MAGI1: variants seen among roughly 807,000 people sequenced by gnomAD.
MAGI1 encodes membrane-associated guanylate kinase, WW and PDZ domain-containing protein 1.
Under a neutral mutation model 139.9 loss-of-function variants are expected in MAGI1, and 58 were observed. The ratio of observed to expected loss-of-function variants is 0.41; its 90% confidence interval spans 0.34 to 0.52. The LOEUF (loss-of-function observed/expected upper bound fraction) is 0.52, where lower values mean the gene tolerates loss of function less well. Among genes scored for constraint, MAGI1 ranks in the 20% least tolerant of loss-of-function variants. The pLI is 0.12. For synonymous variants in MAGI1, 812 were observed against 737.9 expected (o/e 1.10, Z -1.63); for missense variants, 1,874 against 1,901.6 (o/e 0.99, Z 0.27).
At chr3:65,833,013 G>C (rs969859737) in intron 1 of MAGI1, among the ~76,000 whole-genome samples, 1 of 152,154 alleles carries the variant, frequency 6.6e-6, no homozygotes, top group African/African-American at 2.4e-5. Context: ...CATTTGTATG[G>C]ATGAAGTGAA....
At chr3:65,361,633 T>G (rs1370752855) in intron 21 of MAGI1, among the ~76,000 whole-genome samples, 3 of 152,246 alleles carry the variant, frequency 2.0e-5, no homozygotes, top group Admixed American at 6.5e-5. Context: ...CCTCCTTGCA[T>G]TCACAACCTG....
rs1940230625 is a variant in MAGI1, at chr3:65,356,871, C to T, written c.3896G>A (p.Arg1299Gln). 3 of 1,614,134 alleles carry T rather than the reference C, an allele frequency of 1.9e-6. No individual in the cohort carries two copies. The highest frequency in any genetic ancestry group is 2.5e-6 in the Non-Finnish European group (3 of 1,179,974). Residue 1299 changes from arginine (R) to glutamine (Q), a missense_variant, in exon 23 of 23, where the codon CGG becomes CAG. This residue lies in a region of MAGI1 where 653 missense variants were observed against 644.5 expected (regional missense o/e 1.01). Coordinates refer to ENST00000402939, the MANE Select transcript of MAGI1 (RefSeq NM_001033057.2). ...PDSGACRPKD[R>Q]APEGRRDAQA... ...CGCGTCCCTCCGTCCCTCCGGCGCC[C>T]GGTCCTTGGGTCGGCATGCCCCGCT...
chr3:65,825,481 G>A (rs974681616), intron 1 of MAGI1, among the ~76,000 whole-genome samples: 4 of 152,080 alleles, frequency 2.6e-5, no homozygotes, highest in Admixed American at 6.5e-5. Flanking sequence ...CATGGAAATC[G>A]GCAAGTGCTA....
At chr3:65,458,703 G>A (rs113705437) in intron 5 of MAGI1, among the ~76,000 whole-genome samples, 51 of 151,914 alleles carry the variant, frequency 3.4e-4, no homozygotes, top group African/African-American at 9.9e-4. Flanking sequence ...ATATATTCTC[G>A]TTATTAATCC....
At chr3:65,511,048 C>T (rs1223767969) in intron 2 of MAGI1, among the ~76,000 whole-genome samples, 1 of 146,850 alleles carries the variant, frequency 6.8e-6, no homozygotes, top group African/African-American at 2.5e-5. Flanking sequence ...CATATCCAGC[C>T]AAACTAAGCT....
At chr3:65,376,030 G>A in intron 17 of MAGI1, 85 bp from the exon 18 acceptor site, 1 of 978,316 alleles carries the variant, frequency 1.0e-6, no homozygotes, top group South Asian at 1.5e-5. Context: ...AAGGGAAAGA[G>A]AAGGTTAAGT....
intron 2 of MAGI1, among the ~76,000 whole-genome samples, chr3:65,596,406 C>G (rs969487183): frequency 6.6e-6 from 1 of 152,120 alleles, no homozygotes. Flanking sequence ...CACTATAAAC[C>G]AGCAAGGGTT....
intron 1 of MAGI1, among the ~76,000 whole-genome samples, chr3:65,682,805 C>T (rs911988774): frequency 5.9e-5 from 9 of 152,088 alleles, no homozygotes; most frequent in African/African-American, 1.9e-4. Flanking sequence ...AGAACAGTAA[C>T]AGGCAGAACA....
intron 1 of MAGI1, among the ~76,000 whole-genome samples, chr3:65,952,037 T>G (rs1397250889): frequency 6.6e-6 from 1 of 152,222 alleles, no homozygotes; most frequent in East Asian, 1.9e-4. Context: ...TAAGTATTGC[T>G]TCTGTCACTG....
intron 1 of MAGI1, among the ~76,000 whole-genome samples, chr3:66,021,281 A>C (rs1192763933): frequency 6.6e-6 from 1 of 152,242 alleles, no homozygotes; most frequent in Non-Finnish European, 1.5e-5. Context: ...ATCATCACAG[A>C]AAGTTCTATT....
At chr3:65,447,290 T>C (rs928143534) in intron 7 of MAGI1, among the ~76,000 whole-genome samples, 1 of 152,226 alleles carries the variant, frequency 6.6e-6, no homozygotes. Flanking sequence ...CTGAACGTAA[T>C]AGCAAACGTA....
At chr3:65,447,750 A>G (rs1161225826) in intron 7 of MAGI1, among the ~76,000 whole-genome samples, 3 of 152,170 alleles carry the variant, frequency 2.0e-5, no homozygotes, top group Non-Finnish European at 4.4e-5. Context: ...TCACTTTACA[A>G]GACTACCCAT....
At chr3:65,839,702 T>G (rs553092068) in intron 1 of MAGI1, among the ~76,000 whole-genome samples, 1 of 152,180 alleles carries the variant, frequency 6.6e-6, no homozygotes, top group African/African-American at 2.4e-5. Context: ...GAAGAATTCT[T>G]AGACACGACA....
chr3:65,368,460 C>T (rs1485055970), intron 18 of MAGI1, among the ~76,000 whole-genome samples: 10 of 152,176 alleles, frequency 6.6e-5, no homozygotes, highest in Non-Finnish European at 1.2e-4. Flanking sequence ...TTCCAAATCT[C>T]GGCACTTACT....
intron 13 of MAGI1, among the ~76,000 whole-genome samples, chr3:65,391,799 C>T (rs1485574627): frequency 6.6e-6 from 1 of 152,104 alleles, no homozygotes; most frequent in African/African-American, 2.4e-5. Flanking sequence ...GACTCCATGT[C>T]TTGTACCTTT....
intron 1 of MAGI1, among the ~76,000 whole-genome samples, chr3:65,939,649 T>A (rs1384022652): frequency 2.6e-5 from 4 of 152,158 alleles, no homozygotes; most frequent in African/African-American, 9.7e-5. Flanking sequence ...TACTTCTCCA[T>A]ACTCAGACAG....
chr3:65,761,776 C>T (rs1055209818), intron 1 of MAGI1, among the ~76,000 whole-genome samples: 4 of 152,288 alleles, frequency 2.6e-5, no homozygotes, highest in Admixed American at 2.0e-4. Context: ...TTTTGCCTCT[C>T]AGTACCACTC....
intron 12 of MAGI1, among the ~76,000 whole-genome samples, chr3:65,412,389 C>T (rs4128804): frequency 0.29 from 44,790 of 152,124 alleles, 7,668 homozygotes; most frequent in South Asian, 0.45. Flanking sequence ...CCTTTTCTGA[C>T]CCACTTTATT....
intron 1 of MAGI1, among the ~76,000 whole-genome samples, chr3:65,895,917 C>G (rs9865096): frequency 0.52 from 78,293 of 152,010 alleles, 20,262 homozygotes; most frequent in South Asian, 0.69. Flanking sequence ...TAGCTGCCTA[C>G]AAGCAGATAG....
Sources: allele counts gnomAD v4.1 joint callset (sites outside exome capture counted in the v4.1 genomes callset), GRCh38; gene constraint gnomAD v4.1.1; regional missense constraint gnomAD v4.1.1; transcripts MANE v1.5; gene names NCBI Gene and HGNC (gene_info 2026-07-23, HGNC 2026-07-21).